Variants in CEBPZ observed in about 807,000 individuals in gnomAD.
CEBPZ encodes CCAAT/enhancer-binding protein zeta.
A neutral mutation model predicts 104.5 loss-of-function variants in CEBPZ; 78 were observed. That is an observed-to-expected ratio of 0.75 (90% confidence interval 0.62 to 0.90). The LOEUF (loss-of-function observed/expected upper bound fraction) is 0.90. CEBPZ is among the 40% of genes least tolerant of loss of function. The probability of loss-of-function intolerance (pLI) is 0.00; values close to 1 mark genes in which losing one functional copy is unlikely to be tolerated. For synonymous variants in CEBPZ, 470 were observed against 427.0 expected, an observed-to-expected ratio of 1.10 and a Z score of -1.24; for missense variants, 1,439 against 1,233.5, an observed-to-expected ratio of 1.17 and a Z score of -2.50.
intron 1 of CEBPZ, among the ~76,000 whole-genome samples, chr2:37,231,029 C>G (rs1572513974): frequency 6.6e-6 from 1 of 152,168 alleles, no homozygotes; most frequent in South Asian, 2.1e-4. Flanking sequence ...CTGGGGCATA[C>G]AGTGACACGT....
intron 4 of CEBPZ, among the ~76,000 whole-genome samples, chr2:37,222,169 A>T (rs1664784614): frequency 6.6e-6 from 1 of 152,180 alleles, no homozygotes; most frequent in African/African-American, 2.4e-5. Flanking sequence ...CTGTAATCCC[A>T]GCTACTTGGG....
rs1161376236 is a variant in CEBPZ, at chr2:37,231,591, A to C, written c.-24T>G. The C allele has an allele frequency of 1.2e-6, 2 of 1,614,250 alleles. No individual in the cohort carries two copies. Among genetic ancestry groups the C allele is most frequent in the East Asian group, 4.5e-5 (2 of 44,884 alleles). On this transcript the variant is annotated 5_prime_UTR_variant, in exon 1 of 16. Transcript: ENST00000234170. Reference sequence around the variant, plus strand: ...ATGGCGGGCAAAGCATACGCGCGTGAAACTCAGCCTATTTCCGCTCTGCCA... The same window carrying C: ...ATGGCGGGCAAAGCATACGCGCGTGCAACTCAGCCTATTTCCGCTCTGCCA...
intron 5 of CEBPZ, among the ~76,000 whole-genome samples, chr2:37,218,954 A>G (rs548264664): frequency 6.6e-6 from 1 of 152,362 alleles, no homozygotes; most frequent in East Asian, 1.9e-4. Context: ...ATTTCGTTAT[A>G]CTTTACCACA....
chr2:37,216,900 G>C, intron 6 of CEBPZ, 84 bp downstream of exon 6: 1 of 1,136,034 alleles, frequency 8.8e-7, no homozygotes, highest in East Asian at 2.4e-5. Context: ...CTCTGTTAGA[G>C]AAAACACTGT....
chr2:37,207,554 T>A (rs142018279), intron 13 of CEBPZ, among the ~76,000 whole-genome samples: 1 of 152,190 alleles, frequency 6.6e-6, no homozygotes, highest in Non-Finnish European at 1.5e-5. Context: ...TCTTGAATGA[T>A]CTTTGTGTCA....
intron 13 of CEBPZ, among the ~76,000 whole-genome samples, chr2:37,205,762 A>G (rs1183437238): frequency 6.6e-6 from 1 of 152,258 alleles, no homozygotes; most frequent in Non-Finnish European, 1.5e-5. Context: ...CATTTTTATC[A>G]AAAATCTTAA....
intron 1 of CEBPZ, 145 bp from the exon 2 acceptor site, chr2:37,229,181 G>T: frequency 1.5e-6 from 1 of 662,192 alleles, no homozygotes; most frequent in African/African-American, 1.9e-5. Context: ...GGTCCACAAA[G>T]GAAAGGATAA....
At chr2:37,210,104 T>C in intron 13 of CEBPZ, 1 of 152,160 alleles carries the variant, frequency 6.6e-6, no homozygotes, top group Admixed American at 6.6e-5. Flanking sequence ...AGAATGGCCG[T>C]AATTTAAAAA....
chr2:37,207,525 T>C (rs1677579895), intron 13 of CEBPZ, among the ~76,000 whole-genome samples: 1 of 152,118 alleles, frequency 6.6e-6, no homozygotes, highest in Admixed American at 6.5e-5. Flanking sequence ...TACAAATACA[T>C]GGAAATTTAA....
chr2:37,216,396 C>G lies in CEBPZ; in HGVS notation c.2231G>C (p.Gly744Ala), dbSNP rs753447258. The G allele has an allele frequency of 1.8e-5, 29 of 1,613,004 alleles. No homozygotes were observed. Among genetic ancestry groups the G allele is most frequent in the Non-Finnish European group, 2.5e-5 (29 of 1,179,528 alleles). Reference protein sequence around the residue: ...ILQGNYIQYSGDPLQDFTLMR... With the variant: ...ILQGNYIQYSADPLQDFTLMR... ...TAGAGTGAAATCCTGCAGTGGGTCC[C>G]CTGAATACTGAATATAGTTTCCCTG... The change falls in exon 7 of 16, where the codon GGG (glycine) becomes GCG (alanine). Residue 744 changes from glycine to alanine, a missense_variant. Transcript: ENST00000234170.
Position 37,213,909 on chromosome 2 carries a change from C to G in CEBPZ, c.2500G>C (p.Glu834Gln). ...KEKQKRDADEESIEDVDDEEF... is the reference protein window; with the variant it reads ...KEKQKRDADEQSIEDVDDEEF... ...TCATCATCCACGTCTTCTATACTTT[C>G]TTCATCTGCATCCCGTTTTTGTTTC... Residue 834 changes from glutamate to glutamine, a missense_variant, in exon 10 of 16, where the codon GAA (glutamate) becomes CAA (glutamine). Coordinates refer to ENST00000234170, the MANE Select transcript of CEBPZ (RefSeq NM_005760.3). The G allele has an allele frequency of 6.3e-7, 1 of 1,599,664 alleles. No individual in the cohort carries two copies. The highest frequency in any genetic ancestry group is 8.5e-7 in the Non-Finnish European group (1 of 1,175,436).
chr2:37,227,559 T>G lies in CEBPZ; in HGVS notation c.1634A>C (p.Tyr545Ser). ...ATGTTCTTACCTGTATAATGCTGTGTAATATCGATCCGATATTGTCTGCTG... is the reference window on the plus strand; with the variant it reads ...ATGTTCTTACCTGTATAATGCTGTGGAATATCGATCCGATATTGTCTGCTG... The part of the protein sequence containing the change: ...NSQQTISDRY[Y>S]TALYRKMLDP... The change falls in exon 2 of 16, where the codon TAC (tyrosine) becomes TCC (serine). Residue 545 changes from tyrosine to serine, a missense_variant. Coordinates refer to ENST00000234170, the MANE Select transcript of CEBPZ (RefSeq NM_005760.3). 4 of 1,609,914 alleles carry G rather than the reference T, an allele frequency of 2.5e-6. No individual in the cohort carries two copies. The highest frequency in any genetic ancestry group is 3.4e-6 in the Non-Finnish European group (4 of 1,177,878).
At chr2:37,206,749 T>G (rs1677552688) in intron 13 of CEBPZ, among the ~76,000 whole-genome samples, 2 of 152,138 alleles carry the variant, frequency 1.3e-5, no homozygotes, top group African/African-American at 2.4e-5. Flanking sequence ...AATAACACAA[T>G]GAAAAAACAA....
At chr2:37,216,043 G>A in intron 8 of CEBPZ, 97 bp downstream of exon 8, 1 of 928,494 alleles carries the variant, frequency 1.1e-6, no homozygotes, top group Non-Finnish European at 1.6e-6. Flanking sequence ...TGATGCTCAG[G>A]TTTTATTCTG....
At position 37,223,400 on chromosome 2, in the gene CEBPZ, T is replaced by G. The variant is rs778966805; in HGVS notation, c.1651A>C (p.Lys551Gln). The G allele has an allele frequency of 6.2e-7, 1 of 1,613,248 alleles. No individual in the cohort carries two copies. The highest frequency in any genetic ancestry group is 8.5e-7 in the Non-Finnish European group (1 of 1,179,446). Residue 551 changes from lysine to glutamine, a missense_variant and splice_region_variant, in exon 3 of 16, where the codon AAG becomes CAG. Transcript: ENST00000234170. ...GTCATCAACCCTGGATCCAACATCT[T>G]CCTGCAAAACAAAACCAAGGTCAAA... ...SDRYYTALYR[K>Q]MLDPGLMTCS...
intron 5 of CEBPZ, among the ~76,000 whole-genome samples, 195 bp from the exon 6 acceptor site, chr2:37,217,232 A>C (rs1664626237): frequency 6.6e-6 from 1 of 151,920 alleles, no homozygotes; most frequent in African/African-American, 2.4e-5. Context: ...CCCCATGTCT[A>C]CAAAAAGTAC....
In CEBPZ at chr2:37,228,376, C is replaced by G. The variant is rs766793208; in HGVS notation, c.817G>C (p.Val273Leu). The change falls in exon 2 of 16, where the codon GTT (valine) becomes CTT (leucine). Residue 273 changes from valine to leucine, a missense_variant. By Grantham distance (32) the Val-to-Leu change is conservative. Coordinates refer to ENST00000234170, the MANE Select transcript of CEBPZ (RefSeq NM_005760.3). ...TGCTGTTTGCTGCCCTTCTTTTTAA[C>G]AAGGTTCACAAGAGTTTCTACAAAC... ...LQFVETLVNL[V>L]KKKGSKQQCL... 1.2e-6 allele frequency: 2 copies of G among 1,614,194 alleles called. No homozygotes were observed. Among genetic ancestry groups the G allele is most frequent in the South Asian group, 1.1e-5 (1 of 91,088 alleles).
intron 10 of CEBPZ, chr2:37,213,471 C>G (rs2430490): frequency 0.82 from 130,021 of 159,028 alleles, 53,886 homozygotes; most frequent in East Asian, 0.99. Context: ...GAGTGCAGTG[C>G]CGTAATCTTG....
In CEBPZ at chr2:37,210,977, GAT is replaced by G; in HGVS notation, c.2884+20_2884+21del. 1 of 1,539,604 alleles carries G rather than the reference GAT, an allele frequency of 6.5e-7. No homozygotes were observed. Among genetic ancestry groups the G allele is most frequent in the South Asian group, 1.2e-5 (1 of 86,166 alleles). On this transcript the variant is annotated intron_variant, in intron 13 of 15. Coordinates refer to ENST00000234170, the MANE Select transcript of CEBPZ (RefSeq NM_005760.3). ...TTTCACATGGACACTGCTTTTAAAA[GAT>G]ATTAAATGTATTTTCTTACCTTGAA...
Sources: gnomAD v4.1 joint callset for allele counts (sites outside exome capture counted in the v4.1 genomes callset) on GRCh38, gnomAD v4.1.1 for gene constraint, MANE v1.5 for transcripts, NCBI Gene and HGNC (gene_info 2026-07-23, HGNC 2026-07-21) for gene names.